PRODH2: variants seen among roughly 807,000 people sequenced by gnomAD.
PRODH2 encodes proline dehydrogenase 2.
PRODH2 carries 49 observed loss-of-function variants against 51.9 expected under a neutral mutation model. The observed-to-expected ratio is 0.94, with a 90% CI of 0.75 to 1.20. The LOEUF (loss-of-function observed/expected upper bound fraction) is 1.20. Ranked by LOEUF, PRODH2 falls within the 50% of genes most tolerant of loss-of-function variation. The pLI is 0.00. For missense variants in PRODH2, 597 were observed against 610.9 expected (o/e 0.98, Z 0.24); for synonymous variants, 249 against 260.7 (o/e 0.96, Z 0.43).
intron 7 of PRODH2, among the ~76,000 whole-genome samples, chr19:35,804,551 A>G (rs1214158989): frequency 6.6e-6 from 1 of 152,232 alleles, no homozygotes; most frequent in Admixed American, 6.5e-5. Flanking sequence ...CCCAGGTCAC[A>G]CAGCTAGAGG....
At chr19:35,806,647 C>G (rs1472094028) in intron 6 of PRODH2, 28 bp downstream of exon 6, 1 of 1,613,954 alleles carries the variant, frequency 6.2e-7, no homozygotes, top group Non-Finnish European at 8.5e-7. Context: ...GGGACCCCAG[C>G]CTGTACCTCC....
rs200905419 is a variant in PRODH2, at chr19:35,812,087, G to A, written c.511-39C>T. On this transcript the variant is annotated intron_variant, in intron 3 of 9. Coordinates refer to ENST00000653904, the MANE Select transcript of PRODH2 (RefSeq NM_021232.2). The stretch of plus-strand genomic sequence containing the variant: ...GTAGGCGGGGTGGTGAGGGGAGCCC[G>A]ATGGGCAGCCGCGCCCTCCCCGCAC... The A allele has an allele frequency of 3.4e-3, 5,492 of 1,613,822 alleles. 7 individuals carry two copies. The highest frequency in any genetic ancestry group is 4.1e-3 in the Non-Finnish European group (4,833 of 1,179,816).
chr19:35,810,491 T>C (rs1972591698), intron 4 of PRODH2, among the ~76,000 whole-genome samples: 1 of 150,522 alleles, frequency 6.6e-6, no homozygotes, highest in Non-Finnish European at 1.5e-5. Flanking sequence ...CAGCCCATAA[T>C]CCCAACAATT....
At chr19:35,810,910 C>T (rs1972598135) in intron 4 of PRODH2, among the ~76,000 whole-genome samples, 1 of 152,106 alleles carries the variant, frequency 6.6e-6, no homozygotes, top group Non-Finnish European at 1.5e-5. Context: ...GTGTGTAGTT[C>T]ATTGTTTTAC....
Position 35,812,829 on chromosome 19 carries a change from A to G in PRODH2, c.-24T>C, listed in dbSNP as rs774305885. On this transcript the variant is annotated 5_prime_UTR_variant, in exon 1 of 10. Coordinates refer to ENST00000653904, the MANE Select transcript of PRODH2 (RefSeq NM_021232.2). ...ATCCTGGGTCCCTGGCTGCCTCCAC[A>G]CCAGGGAAGGTTCTCTGGAGGCAGC... is the stretch of plus-strand genomic sequence containing the variant. The G allele has an allele frequency of 2.6e-6, 4 of 1,562,874 alleles. No homozygotes were observed. The highest frequency in any genetic ancestry group is 1.9e-5 in the Admixed American group (1 of 53,840).
In PRODH2 at chr19:35,805,534, C is replaced by T. The variant is rs147263457; in HGVS notation, c.1001+896G>A. On this transcript the variant is annotated intron_variant, in intron 7 of 9. Transcript: ENST00000653904. ...TGCCTGCCTCAGCCTCCCAAAGTGC[C>T]GGGATTACAAGCGTGAGCCACCATG... Among the ~76,000 whole-genome samples, 361 of 152,096 alleles carry T rather than the reference C, an allele frequency of 2.4e-3. 5 individuals carry two copies. In the East Asian group the frequency reaches 0.04, roughly 17 times the overall value.
chr19:35,807,285 C>T (rs577292866), intron 4 of PRODH2, among the ~76,000 whole-genome samples, 164 bp from the exon 5 acceptor site: 6 of 152,230 alleles, frequency 3.9e-5, no homozygotes, highest in South Asian at 2.1e-4. Flanking sequence ...AGTTATGTAA[C>T]CTTTCTGGGC....
chr19:35,809,972 A>AAAAAAAAAC lies in PRODH2; in HGVS notation c.597+1989_597+1990insGTTTTTTTT, dbSNP rs1555756027. On this transcript the variant is annotated intron_variant, in intron 4 of 9. Coordinates refer to ENST00000653904, the MANE Select transcript of PRODH2 (RefSeq NM_021232.2). Reference sequence around the variant, plus strand: ...AGATGCCGCTTCAAAAAAAAAAAAAAAAAAAAAAAAAAACGCTGGGCGTGG... The same window carrying AAAAAAAAAC: ...AGATGCCGCTTCAAAAAAAAAAAAAAAAAAAAAACAAAAAAAAAAAAACGCTGGGCGTGG... Among the ~76,000 whole-genome samples the AAAAAAAAAC allele has an allele frequency of 2.7e-4, 36 of 133,596 alleles. 1 individual carries two copies. Among genetic ancestry groups the AAAAAAAAAC allele is most frequent in the East Asian group, 2.5e-3 (11 of 4,484 alleles). 87.6% of individuals were successfully genotyped at this position (133,596 alleles called of 152,430 possible).
intron 7 of PRODH2, among the ~76,000 whole-genome samples, chr19:35,805,881 G>T (rs117904535): frequency 6.6e-6 from 1 of 152,148 alleles, no homozygotes; most frequent in Non-Finnish European, 1.5e-5. Context: ...GAGGGATGGG[G>T]CCATGCCACT....
chr19:35,810,523 ATTTT>A (rs1217252603), intron 4 of PRODH2, among the ~76,000 whole-genome samples: 2 of 138,030 alleles, frequency 1.4e-5, no homozygotes, highest in Non-Finnish European at 3.2e-5. Context: ...GGCAAGAAGA[ATTTT>A]TTTTTTTTTT....
In PRODH2 at chr19:35,812,483, T is replaced by C; in HGVS notation, c.248A>G (p.Gln83Arg). 22 of 1,614,188 alleles carry C rather than the reference T, an allele frequency of 1.4e-5. No homozygotes were observed. Among genetic ancestry groups the C allele is most frequent in the Non-Finnish European group, 1.9e-5 (22 of 1,180,026 alleles). Reference protein sequence around the residue: ...GAFLRASVYGQFVAGETAEEV... With the variant: ...GAFLRASVYGRFVAGETAEEV... ...CTCTGCTGTCTCACCAGCCACAAAC[T>C]GCCCATAGACGGATGCTCGGAGAAA... Residue 83 changes from glutamine (Q) to arginine (R), a missense_variant, in exon 2 of 10, where the codon CAG becomes CGG. Gln to Arg is a conservative substitution (Grantham distance 43). Coordinates refer to ENST00000653904, the MANE Select transcript of PRODH2 (RefSeq NM_021232.2).
At position 35,812,418 on chromosome 19, in the gene PRODH2, G is replaced by T. The variant is rs749404298; in HGVS notation, c.313C>A (p.Leu105Ile). Residue 105 changes from leucine (L) to isoleucine (I), a missense_variant, in exon 2 of 10, where the codon CTC (leucine) becomes ATC (isoleucine). By Grantham distance (5) the Leu-to-Ile change is conservative. Transcript: ENST00000653904. ...GTGGGCACTGCCAGCAGTGGTCGGA[G>T]GCTGAGGGTCCGCAGCTGCTGCACG... ...GCVQQLRTLS[L>I]RPLLAVPTEE... 1 of 1,614,248 alleles carries T rather than the reference G, an allele frequency of 6.2e-7. No homozygotes were observed. The highest frequency in any genetic ancestry group is 1.1e-5 in the South Asian group (1 of 91,086).
In PRODH2 at chr19:35,800,111, C is replaced by A. The variant is rs1178283450; in HGVS notation, c.1310G>T (p.Arg437Leu). 1.1e-5 allele frequency: 18 copies of A among 1,610,638 alleles called. No individual in the cohort carries two copies. The highest frequency in any genetic ancestry group is 1.1e-4 in the East Asian group (5 of 44,844). Reference sequence around the variant, plus strand: ...TTGGCTGAGCAGCTCCTGTTCCCTGCGGGCACCCTGAAGCACGCTCCGGTT... The same window carrying A: ...TTGGCTGAGCAGCTCCTGTTCCCTGAGGGCACCCTGAAGCACGCTCCGGTT... ...QENRSVLQGA[R>L]REQELLSQEL... The change falls in exon 10 of 10, where the codon CGC becomes CTC. Residue 437 changes from arginine to leucine, a missense_variant. Transcript: ENST00000653904.
intron 4 of PRODH2, 51 bp downstream of exon 4, chr19:35,811,911 C>T (rs1349018742): frequency 2.6e-6 from 4 of 1,562,686 alleles, no homozygotes; most frequent in Non-Finnish European, 3.5e-6. Flanking sequence ...GGTGTGGCCG[C>T]ATCTAAGTCC....
At chr19:35,802,935 C>A in intron 8 of PRODH2, 33 bp downstream of exon 8, 3 of 1,445,542 alleles carry the variant, frequency 2.1e-6, no homozygotes, top group Non-Finnish European at 1.9e-6. Context: ...CTTTTGTGGG[C>A]ACCTATTTCC....
chr19:35,806,366 G>A lies in PRODH2; in HGVS notation c.1001+64C>T. ...CCCAAAGCACTGGGATTACAGGTAT[G>A]AGCCACTGCACCCAACCACTAGGTG... is the stretch of plus-strand genomic sequence containing the variant. On this transcript the variant is annotated intron_variant, in intron 7 of 9. Coordinates refer to ENST00000653904, the MANE Select transcript of PRODH2 (RefSeq NM_021232.2). 42 of 1,584,936 alleles carry A rather than the reference G, an allele frequency of 2.6e-5. 1 individual carries two copies. The South Asian group carries it at 4.6e-4, about 17-fold the overall frequency.
chr19:35,800,514 G>T (rs1332963205), intron 9 of PRODH2, among the ~76,000 whole-genome samples: 1 of 152,182 alleles, frequency 6.6e-6, no homozygotes, highest in Non-Finnish European at 1.5e-5. Context: ...CTCCCAAAGT[G>T]CTGGGATTAC....
At chr19:35,810,599 G>A (rs911191396) in intron 4 of PRODH2, among the ~76,000 whole-genome samples, 2 of 150,704 alleles carry the variant, frequency 1.3e-5, no homozygotes, top group African/African-American at 4.9e-5. Flanking sequence ...TCGGTTTACT[G>A]CAACCTCCGC....
intron 7 of PRODH2, among the ~76,000 whole-genome samples, chr19:35,804,074 T>A (rs1229995926): frequency 1.3e-5 from 2 of 152,214 alleles, no homozygotes; most frequent in Admixed American, 1.3e-4. Flanking sequence ...CTGCTCACCC[T>A]GACTGTGTTC....
Sources: allele counts gnomAD v4.1 joint callset (sites outside exome capture counted in the v4.1 genomes callset), GRCh38; gene constraint gnomAD v4.1.1; transcripts MANE v1.5; gene names NCBI Gene and HGNC (gene_info 2026-07-23, HGNC 2026-07-21).